Variants in CRHR1 observed in about 807,000 individuals in gnomAD.
The protein encoded by CRHR1 is corticotropin-releasing hormone receptor 1.
Under a neutral mutation model 56.0 loss-of-function variants are expected in CRHR1, and 28 were observed. That is an observed-to-expected ratio of 0.50 (90% CI 0.37 to 0.69). The LOEUF (loss-of-function observed/expected upper bound fraction) is 0.69. Among genes scored for constraint, CRHR1 ranks in the 30% least tolerant of loss-of-function variants. CRHR1 has a pLI of 0.00. For missense variants in CRHR1, 376 were observed against 548.0 expected (o/e 0.69, Z 3.13); for synonymous variants, 195 against 216.5 (o/e 0.90, Z 0.87).
intron 2 of CRHR1, among the ~76,000 whole-genome samples, chr17:45,808,567 C>T (rs188372342): frequency 6.6e-6 from 1 of 152,340 alleles, no homozygotes; most frequent in Non-Finnish European, 1.5e-5. Context: ...ATTCAATGTA[C>T]TAAGTTTTAT....
chr17:45,829,631 C>G lies in CRHR1; in HGVS notation c.434+310C>G, dbSNP rs1170792030. ...GGTGGGGGCTCCATGGAGTGGTGCC[C>G]CATTTCAGGTTCGAAGGTACCTGGG... On this transcript the variant is annotated intron_variant, in intron 5 of 12. Transcript: ENST00000314537. 3.2e-6 allele frequency: 5 copies of G among 1,550,924 alleles called. No individual in the cohort carries two copies. In the Admixed American group the frequency reaches 9.8e-5, roughly 30 times the overall value.
rs945918529 is a variant in CRHR1, at chr17:45,822,874, G to A, written c.327+1434G>A. 1.5e-4 allele frequency among the ~76,000 whole-genome samples: 22 copies of A among 150,408 alleles called. 1 individual carries two copies. Among genetic ancestry groups the A allele is most frequent in the African/African-American group, 4.4e-4 (18 of 40,818 alleles). On this transcript the variant is annotated intron_variant, in intron 4 of 12. Coordinates refer to ENST00000314537, the MANE Select transcript of CRHR1 (RefSeq NM_004382.5). ...TAAAAAAAAAAGTGGGGCCAAGTGC[G>A]GTGGCTCACGCCTGTAATCCCAGCA...
At chr17:45,831,626 T>C (rs1216747129) in intron 8 of CRHR1, among the ~76,000 whole-genome samples, 1 of 152,170 alleles carries the variant, frequency 6.6e-6, no homozygotes, top group African/African-American at 2.4e-5. Context: ...TCAGGCGCAA[T>C]TGGTCTGGGG....
intron 1 of CRHR1, among the ~76,000 whole-genome samples, chr17:45,795,891 G>A (rs1044023515): frequency 6.6e-6 from 1 of 152,150 alleles, no homozygotes; most frequent in Non-Finnish European, 1.5e-5. Context: ...TTCCCTGTTC[G>A]GTGGGGTTTG....
chr17:45,833,963 C>A (rs764679880), intron 11 of CRHR1, 44 bp from the exon 12 acceptor site: 2 of 1,613,546 alleles, frequency 1.2e-6, no homozygotes, highest in Non-Finnish European at 1.7e-6. Flanking sequence ...GCTGGGTGGG[C>A]AACACCTGCA....
intron 1 of CRHR1, among the ~76,000 whole-genome samples, chr17:45,801,435 C>T (rs554195474): frequency 3.9e-5 from 6 of 152,352 alleles, no homozygotes; most frequent in African/African-American, 1.2e-4. Context: ...ATCCCAGGGA[C>T]CCACTAGATC....
intron 2 of CRHR1, 61 bp downstream of exon 2, chr17:45,807,158 G>T: frequency 6.9e-7 from 1 of 1,457,106 alleles, no homozygotes; most frequent in Non-Finnish European, 9.6e-7. Context: ...CCTACCCCAG[G>T]TATCCCAGAG....
rs575057678 is a variant in CRHR1 at position 45,802,862 on chromosome 17, C to T, written c.34-4148C>T. On this transcript the variant is annotated intron_variant, in intron 1 of 12. Transcript: ENST00000314537. ...CTGTGCACGCCAGGACATTAAGATG[C>T]GAGAATAAGAACTTATAGCCTGTAT... Among the ~76,000 whole-genome samples, 13 of 152,218 alleles carry T rather than the reference C, an allele frequency of 8.5e-5. 1 individual carries two copies. In the South Asian group the frequency reaches 2.7e-3, roughly 32 times the overall value.
intron 1 of CRHR1, among the ~76,000 whole-genome samples, chr17:45,804,624 G>A (rs2061686968): frequency 6.6e-6 from 1 of 152,040 alleles, no homozygotes; most frequent in Admixed American, 6.6e-5. Context: ...TCTAAGGACA[G>A]GGAGAAGGTC....
At chr17:45,793,046 A>G (rs915306005) in intron 1 of CRHR1, among the ~76,000 whole-genome samples, 1 of 152,206 alleles carries the variant, frequency 6.6e-6, no homozygotes, top group Non-Finnish European at 1.5e-5. Flanking sequence ...CCCACTCCCC[A>G]ATGAACGTCT....
At chr17:45,811,373 A>G (rs2061820739) in intron 2 of CRHR1, among the ~76,000 whole-genome samples, 1 of 152,126 alleles carries the variant, frequency 6.6e-6, no homozygotes, top group Non-Finnish European at 1.5e-5. Flanking sequence ...CTCCCTTTGC[A>G]GGGATTTGAG....
At chr17:45,824,917 C>T (rs976812368) in intron 4 of CRHR1, among the ~76,000 whole-genome samples, 2 of 151,994 alleles carry the variant, frequency 1.3e-5, no homozygotes, top group Non-Finnish European at 2.9e-5. Context: ...GGGAGTGACC[C>T]GCCCCACCCC....
At position 45,835,342 on chromosome 17, in the gene CRHR1, A is replaced by G. The variant is rs1420665182; in HGVS notation, c.*578A>G. The G allele has an allele frequency of 6.5e-6, 1 of 154,112 alleles. No homozygotes were observed. Among genetic ancestry groups the G allele is most frequent in the Non-Finnish European group, 1.4e-5 (1 of 69,042 alleles). The allele number at this position is 154,112 out of a possible 1,614,324, so 9.5% of individuals were successfully genotyped here. ...GCCACAGCACTAGAGTCACCCCCCC[A>G]GGCCTCCAGAACCTTACTGGCACTG... is the stretch of plus-strand genomic sequence containing the variant. On this transcript the variant is annotated 3_prime_UTR_variant, in exon 13 of 13. Transcript: ENST00000314537.
intron 10 of CRHR1, 70 bp downstream of exon 10, chr17:45,833,607 A>G: frequency 6.3e-7 from 1 of 1,586,730 alleles, no homozygotes; most frequent in Non-Finnish European, 8.6e-7. Context: ...CTCACGTGCC[A>G]GAGACCTGCC....
In CRHR1 at chr17:45,835,269, A is replaced by G. The variant is rs878888; in HGVS notation, c.*505A>G. 22,705 of 157,468 alleles carry G rather than the reference A, an allele frequency of 0.14. 2,219 individuals are homozygous for G. Among genetic ancestry groups the G allele is most frequent in the Non-Finnish European group, 0.22 (15,385 of 71,188 alleles). The allele number at this position is 157,468 out of a possible 1,614,324, so 9.8% of individuals were successfully genotyped here. A position where few individuals can be genotyped will look rare whatever the true frequency, so the allele number is the denominator to read the frequency against. On this transcript the variant is annotated 3_prime_UTR_variant, in exon 13 of 13. Transcript: ENST00000314537. The stretch of plus-strand genomic sequence containing the variant: ...ACACCACTGGGAACCAAGGGCCCTC[A>G]CTCAGGAACCCTGGAGACAGAAGTC...
At chr17:45,823,023 A>G (rs1237594391) in intron 4 of CRHR1, among the ~76,000 whole-genome samples, 1 of 151,208 alleles carries the variant, frequency 6.6e-6, no homozygotes, top group Non-Finnish European at 1.5e-5. Flanking sequence ...GCATCCCTGT[A>G]ATCGCAGCTA....
intron 2 of CRHR1, among the ~76,000 whole-genome samples, chr17:45,812,061 T>C (rs2061834577): frequency 6.6e-6 from 1 of 152,204 alleles, no homozygotes; most frequent in Non-Finnish European, 1.5e-5. Flanking sequence ...AAGTCACTGA[T>C]ATAAAATGGA....
At chr17:45,828,989 G>T (rs925803021) in intron 4 of CRHR1, among the ~76,000 whole-genome samples, 1 of 152,168 alleles carries the variant, frequency 6.6e-6, no homozygotes, top group Non-Finnish European at 1.5e-5. Flanking sequence ...GATTCAGTTC[G>T]ACACAACACG....
intron 2 of CRHR1, among the ~76,000 whole-genome samples, chr17:45,814,020 C>T (rs972147149): frequency 6.6e-6 from 1 of 152,226 alleles, no homozygotes; most frequent in Admixed American, 6.5e-5. Context: ...CTGGCCTCGT[C>T]CTCGCTGTGG....
Sources: gnomAD v4.1 joint callset for allele counts (sites outside exome capture counted in the v4.1 genomes callset) on GRCh38, gnomAD v4.1.1 for gene constraint, MANE v1.5 for transcripts, NCBI Gene and HGNC (gene_info 2026-07-23, HGNC 2026-07-21) for gene names.